The following MARCHF1 variants were observed in gnomAD, a reference collection of about 807,000 sequenced individuals.
The protein encoded by MARCHF1 is E3 ubiquitin-protein ligase MARCHF1.
MARCHF1 carries 40 observed loss-of-function variants against 54.2 expected under a neutral mutation model. The ratio of observed to expected loss-of-function variants is 0.74; its 90% confidence interval spans 0.57 to 0.96. The LOEUF (loss-of-function observed/expected upper bound fraction) is 0.96. Ranked by LOEUF, MARCHF1 falls within the 40% of genes least tolerant of loss-of-function variation. The pLI, the probability that MARCHF1 is intolerant of heterozygous loss-of-function variation, is 0.00. For missense variants in MARCHF1, 586 were observed against 656.5 expected (o/e 0.89, Z 1.17); for synonymous variants, 236 against 236.3 (o/e 1.00, Z 0.01).
chr4:163,765,826 ATATAG>A (rs1312899543), intron 4 of MARCHF1, among the ~76,000 whole-genome samples: 3 of 41,944 alleles, frequency 7.2e-5, no homozygotes, highest in Non-Finnish European at 1.6e-4. Flanking sequence ...GATTATATAG[ATATAG>A]ATATAGATAT....
At chr4:164,337,454 G>A (rs1282663993) in intron 1 of MARCHF1, among the ~76,000 whole-genome samples, 1 of 152,234 alleles carries the variant, frequency 6.6e-6, no homozygotes, top group Non-Finnish European at 1.5e-5. Flanking sequence ...GGTTCCCTCA[G>A]CTATGCAGAA....
chr4:164,343,048 T>C (rs1245073479), intron 1 of MARCHF1, among the ~76,000 whole-genome samples: 1 of 152,176 alleles, frequency 6.6e-6, no homozygotes, highest in Non-Finnish European at 1.5e-5. Context: ...AAATAATTCC[T>C]GGAGATCTAA....
At chr4:164,147,797 A>C (rs1729800756) in intron 1 of MARCHF1, among the ~76,000 whole-genome samples, 2 of 149,388 alleles carry the variant, frequency 1.3e-5, no homozygotes, top group Admixed American at 1.3e-4. Flanking sequence ...CATTGTGCAC[A>C]TGTACCCTAA....
chr4:164,122,599 C>G (rs1197268318), intron 1 of MARCHF1, among the ~76,000 whole-genome samples: 1 of 152,014 alleles, frequency 6.6e-6, no homozygotes, highest in Non-Finnish European at 1.5e-5. Flanking sequence ...TCAAACCTGA[C>G]TACAAAACCT....
chr4:163,681,114 C>A lies in MARCHF1; in HGVS notation c.162+19699G>T, dbSNP rs1053791763. Among the ~76,000 whole-genome samples the A allele has an allele frequency of 2.0e-5, 3 of 152,000 alleles. No homozygotes were observed. In the East Asian group the frequency reaches 5.8e-4, roughly 29 times the overall value. ...ATATTAAAGGGAACTAACTTATTTG[C>A]GAACAGCATCGGTAAACAGTATCTC... On this transcript the variant is annotated intron_variant, in intron 5 of 9. Coordinates refer to ENST00000514618, the MANE Select transcript of MARCHF1 (RefSeq NM_001394959.1).
intron 1 of MARCHF1, among the ~76,000 whole-genome samples, chr4:164,331,255 A>T (rs1735426686): frequency 6.6e-6 from 1 of 152,210 alleles, no homozygotes; most frequent in Non-Finnish European, 1.5e-5. Flanking sequence ...ATTCAAAATA[A>T]GTTACATTAA....
At chr4:163,842,514 G>C (rs369240214) in intron 4 of MARCHF1, among the ~76,000 whole-genome samples, 39 of 152,110 alleles carry the variant, frequency 2.6e-4, no homozygotes, top group East Asian at 2.5e-3. Flanking sequence ...GTATAGAAGA[G>C]TGTCTTAGAG....
At chr4:164,100,229 A>AC in intron 2 of MARCHF1, among the ~76,000 whole-genome samples, 1 of 152,226 alleles carries the variant, frequency 6.6e-6, no homozygotes, top group Non-Finnish European at 1.5e-5. Context: ...AAACGTGTAC[A>AC]TTTGCATAAA....
chr4:164,106,240 A>G (rs1009311183), intron 2 of MARCHF1, among the ~76,000 whole-genome samples: 3 of 131,376 alleles, frequency 2.3e-5, no homozygotes, highest in South Asian at 2.5e-4. Context: ...TGGAAATACC[A>G]TTTGACCCAG....
chr4:163,872,753 T>C (rs1457274805), intron 3 of MARCHF1, among the ~76,000 whole-genome samples: 3 of 152,078 alleles, frequency 2.0e-5, no homozygotes, highest in Non-Finnish European at 4.4e-5. Context: ...ATAATAAAAA[T>C]GATGAAGTCG....
intron 2 of MARCHF1, among the ~76,000 whole-genome samples, chr4:163,991,427 C>G (rs761665584): frequency 5.9e-5 from 9 of 152,178 alleles, no homozygotes; most frequent in Admixed American, 1.3e-4. Context: ...TACCTTTCCT[C>G]AAGCAGCTTC....
At chr4:163,676,370 A>G (rs78525308) in intron 5 of MARCHF1, among the ~76,000 whole-genome samples, 4,116 of 151,824 alleles carry the variant, frequency 0.027, 186 homozygotes, top group African/African-American at 0.094. Flanking sequence ...AAAAAAAAAA[A>G]AAATCAGAAG....
intron 4 of MARCHF1, among the ~76,000 whole-genome samples, chr4:163,716,027 A>G (rs753901331): frequency 1.5e-4 from 23 of 152,338 alleles, no homozygotes; most frequent in Non-Finnish European, 3.1e-4. Flanking sequence ...CTGTCATCAA[A>G]ATACGGGTGA....
At chr4:164,313,740 C>T (rs896360859) in intron 1 of MARCHF1, among the ~76,000 whole-genome samples, 3 of 152,140 alleles carry the variant, frequency 2.0e-5, no homozygotes, top group African/African-American at 7.2e-5. Context: ...CCTAGATTTC[C>T]TAACTCAGTG....
intron 4 of MARCHF1, among the ~76,000 whole-genome samples, chr4:163,759,856 G>A (rs954037387): frequency 3.3e-5 from 5 of 151,952 alleles, no homozygotes; most frequent in Admixed American, 1.3e-4. Context: ...CTTCACTTTC[G>A]GTAGGGTTGA....
chr4:164,205,187 G>T (rs974429681), intron 1 of MARCHF1, among the ~76,000 whole-genome samples: 4 of 152,046 alleles, frequency 2.6e-5, no homozygotes, highest in Non-Finnish European at 5.9e-5. Flanking sequence ...GTTAGTAATT[G>T]ACAGAAAAGA....
intron 3 of MARCHF1, among the ~76,000 whole-genome samples, chr4:163,931,882 G>A (rs898732055): frequency 4.6e-5 from 7 of 152,062 alleles, no homozygotes; most frequent in Admixed American, 2.6e-4. Flanking sequence ...TGGTATCAGC[G>A]AATTCCTTGA....
At chr4:163,566,262 G>C (rs943724719) in intron 8 of MARCHF1, among the ~76,000 whole-genome samples, 1 of 152,170 alleles carries the variant, frequency 6.6e-6, no homozygotes, top group Non-Finnish European at 1.5e-5. Flanking sequence ...GTTATCAGAG[G>C]TGGTCCCCAG....
chr4:163,835,045 G>A (rs1749141998), intron 4 of MARCHF1, among the ~76,000 whole-genome samples: 1 of 151,954 alleles, frequency 6.6e-6, no homozygotes, highest in Admixed American at 6.6e-5. Flanking sequence ...ACCATGCCTG[G>A]CTAATTTTTA....
Sources: gnomAD v4.1 joint callset for allele counts (sites outside exome capture counted in the v4.1 genomes callset) on GRCh38, gnomAD v4.1.1 for gene constraint, MANE v1.5 for transcripts, NCBI Gene and HGNC (gene_info 2026-07-23, HGNC 2026-07-21) for gene names.